TAPT1: variants seen among roughly 807,000 people sequenced by gnomAD.
TAPT1 encodes transmembrane anterior posterior transformation 1.
A neutral mutation model predicts 65.6 loss-of-function variants in TAPT1; 28 were observed. The ratio of observed to expected loss-of-function variants is 0.43; its 90% CI spans 0.32 to 0.59. The LOEUF (loss-of-function observed/expected upper bound fraction) is 0.59. Among genes scored for constraint, TAPT1 ranks in the 20% least tolerant of loss-of-function variants. The pLI is 0.09. For missense variants in TAPT1, 563 were observed against 679.9 expected, an observed-to-expected ratio of 0.83 and a Z score of 1.91; for synonymous variants, 278 against 245.2, an observed-to-expected ratio of 1.13 and a Z score of -1.25.
intron 7 of TAPT1, among the ~76,000 whole-genome samples, chr4:16,185,285 T>C (rs1748940145): frequency 6.6e-6 from 1 of 152,178 alleles, no homozygotes. Context: ...AATATTTTTA[T>C]TAAAATTTCT....
intron 6 of TAPT1, 86 bp downstream of exon 6, chr4:16,186,695 T>C (rs1364137945): frequency 3.6e-6 from 5 of 1,376,322 alleles, no homozygotes; most frequent in Admixed American, 3.9e-5. Context: ...GAACAACATA[T>C]AGAACAAAGA....
At chr4:16,206,033 G>A (rs1252957552) in intron 2 of TAPT1, among the ~76,000 whole-genome samples, 2 of 152,130 alleles carry the variant, frequency 1.3e-5, no homozygotes, top group Non-Finnish European at 2.9e-5. Context: ...GAATGTTAAG[G>A]GGAACAGGAT....
intron 13 of TAPT1, among the ~76,000 whole-genome samples, chr4:16,165,383 A>C (rs1336270875): frequency 6.6e-6 from 1 of 151,958 alleles, no homozygotes; most frequent in Non-Finnish European, 1.5e-5. Context: ...ATCCTGGCTA[A>C]CATGGTGAAA....
intron 9 of TAPT1, among the ~76,000 whole-genome samples, chr4:16,175,590 T>G (rs1246851778): frequency 1.3e-5 from 2 of 152,160 alleles, no homozygotes; most frequent in Non-Finnish European, 2.9e-5. Flanking sequence ...TTATATGCAA[T>G]AAATCTATAG....
In TAPT1 at chr4:16,174,586, AT is replaced by A. The variant is rs1578417449; in HGVS notation, c.1167+83del. ...TTTATGTAGCTTTCCTTTAGTTAAT[AT>A]TTCATGCTAAATTAATCATTATTCA... On this transcript the variant is annotated intron_variant, in intron 10 of 13. Transcript: ENST00000405303. 18 of 1,263,806 alleles carry A rather than the reference AT, an allele frequency of 1.4e-5. No homozygotes were observed. In the East Asian group the frequency reaches 4.6e-4, roughly 32 times the overall value. 78.3% of individuals were successfully genotyped at this position (1,263,806 alleles called of 1,614,324 possible).
chr4:16,173,204 T>C (rs1361368678), intron 11 of TAPT1, among the ~76,000 whole-genome samples: 1 of 152,174 alleles, frequency 6.6e-6, no homozygotes, highest in Admixed American at 6.5e-5. Flanking sequence ...AATTTTTTTT[T>C]CTTGCCTCAG....
intron 3 of TAPT1, among the ~76,000 whole-genome samples, chr4:16,194,977 CGG>C (rs1749614755): frequency 1.3e-5 from 2 of 152,048 alleles, no homozygotes; most frequent in Non-Finnish European, 2.9e-5. Flanking sequence ...GGTGATCCAC[CGG>C]CCTCGGCCTC....
At chr4:16,194,039 T>A (rs1749542778) in intron 3 of TAPT1, among the ~76,000 whole-genome samples, 1 of 152,202 alleles carries the variant, frequency 6.6e-6, no homozygotes, top group African/African-American at 2.4e-5. Flanking sequence ...TAAGTATATA[T>A]CCAATTGTGT....
In TAPT1 at chr4:16,163,132, T is replaced by C; in HGVS notation, c.*176A>G. 1.5e-6 allele frequency: 1 copy of C among 659,724 alleles called. No homozygotes were observed. The highest frequency in any genetic ancestry group is 2.8e-6 in the Non-Finnish European group (1 of 362,434). 40.9% of individuals were successfully genotyped at this position (659,724 alleles called of 1,614,324 possible). On this transcript the variant is annotated 3_prime_UTR_variant, in exon 14 of 14. Transcript: ENST00000405303. ...AAGGCCGGAGGTCGCTCCTGTCCTG[T>C]GGTCTGACCCTCAGCCAGGCCATAT...
chr4:16,193,774 C>G (rs1241008796), intron 3 of TAPT1, among the ~76,000 whole-genome samples: 1 of 152,172 alleles, frequency 6.6e-6, no homozygotes, highest in African/African-American at 2.4e-5. Flanking sequence ...AAGAGTAGCA[C>G]AGCTCAGCAT....
chr4:16,185,532 C>A (rs989292767), intron 7 of TAPT1, among the ~76,000 whole-genome samples: 1 of 152,046 alleles, frequency 6.6e-6, no homozygotes, highest in African/African-American at 2.4e-5. Context: ...CCACACCCAG[C>A]TAATTTTGGT....
intron 1 of TAPT1, among the ~76,000 whole-genome samples, chr4:16,218,745 A>G (rs1259816960): frequency 1.3e-5 from 2 of 152,254 alleles, no homozygotes; most frequent in Non-Finnish European, 2.9e-5. Context: ...AGTGTCTTCA[A>G]CTACTTCATA....
chr4:16,178,612 A>G (rs1418833631), intron 8 of TAPT1, among the ~76,000 whole-genome samples: 3 of 152,146 alleles, frequency 2.0e-5, no homozygotes, highest in Non-Finnish European at 4.4e-5. Flanking sequence ...TTAGCCTGTT[A>G]AGTCCTACAA....
chr4:16,192,341 C>T (rs574617875), intron 3 of TAPT1, among the ~76,000 whole-genome samples: 37 of 152,152 alleles, frequency 2.4e-4, no homozygotes, highest in Non-Finnish European at 5.3e-4. Context: ...CCGTTAATTT[C>T]TATCATTAGG....
intron 1 of TAPT1, among the ~76,000 whole-genome samples, chr4:16,216,949 GC>G (rs1278233617): frequency 1.3e-5 from 2 of 152,080 alleles, no homozygotes; most frequent in African/African-American, 4.8e-5. Context: ...CTGGACACAG[GC>G]CATCTCTTTA....
In TAPT1 at chr4:16,186,861, T is replaced by TAA. The variant is rs751866360; in HGVS notation, c.764_765dup (p.Ile256LeufsTer2). The TAA allele has an allele frequency of 6.2e-7, 1 of 1,610,488 alleles. No homozygotes were observed. The highest frequency in any genetic ancestry group is 8.5e-7 in the Non-Finnish European group (1 of 1,177,582). ...TTGAGAGTTGTTGCTTGAACCATTA[T>TAA]AAGAATTGCATGCAAAACTAATAGA... On this transcript the variant is annotated frameshift_variant, in exon 6 of 14. Transcript: ENST00000405303. LOFTEE classifies it high-confidence loss of function.
chr4:16,201,871 C>T (rs113632349), intron 3 of TAPT1, among the ~76,000 whole-genome samples: 2,427 of 152,288 alleles, frequency 0.016, 42 homozygotes, highest in Middle Eastern at 0.034. Context: ...GCACAGCTCA[C>T]AAGCTAATCA....
chr4:16,187,924 A>C (rs1193413605), intron 5 of TAPT1, among the ~76,000 whole-genome samples: 1 of 152,200 alleles, frequency 6.6e-6, no homozygotes, highest in African/African-American at 2.4e-5. Context: ...ATATAGATCT[A>C]TATCAGGTAT....
chr4:16,227,171 A>T (rs1157203421), upstream of TAPT1: 9 of 455,820 alleles, frequency 2.0e-5, no homozygotes, highest in Non-Finnish European at 3.5e-5. Flanking sequence ...GGGCAGCTTC[A>T]CAACAGGTGG....
Sources: gnomAD v4.1 joint callset for allele counts (sites outside exome capture counted in the v4.1 genomes callset) on GRCh38, gnomAD v4.1.1 for gene constraint, MANE v1.5 for transcripts, NCBI Gene and HGNC (gene_info 2026-07-23, HGNC 2026-07-21) for gene names.